WDPCP: variants seen among roughly 807,000 people sequenced by gnomAD.
WDPCP encodes the protein WD repeat containing planar cell polarity effector.
A neutral mutation model predicts 93.1 loss-of-function variants in WDPCP; 71 were observed. That is an observed-to-expected ratio of 0.76 (90% confidence interval 0.63 to 0.93). WDPCP has a LOEUF of 0.93. Ranked by LOEUF, WDPCP falls within the 40% of genes least tolerant of loss-of-function variation. The pLI, the probability that WDPCP is intolerant of heterozygous loss-of-function variation, is 0.00. For synonymous variants in WDPCP, 315 were observed against 315.0 expected (o/e 1.00, Z 0.00); for missense variants, 844 against 887.4 (o/e 0.95, Z 0.62).
At chr2:63,553,242 T>C (rs966922804) in intron 1 of WDPCP, among the ~76,000 whole-genome samples, 4 of 152,238 alleles carry the variant, frequency 2.6e-5, no homozygotes, top group African/African-American at 9.6e-5. Flanking sequence ...AACTGTTAAA[T>C]TCCATTTATG....
At chr2:63,778,627 T>C (rs1305939479) in intron 2 of WDPCP, among the ~76,000 whole-genome samples, 3 of 152,354 alleles carry the variant, frequency 2.0e-5, no homozygotes, top group Non-Finnish European at 4.4e-5. Flanking sequence ...GTTCCTGTTA[T>C]GGTTTGCATA....
At chr2:63,491,743 C>A (rs770357053) in intron 2 of WDPCP, among the ~76,000 whole-genome samples, 1 of 152,172 alleles carries the variant, frequency 6.6e-6, no homozygotes, top group Non-Finnish European at 1.5e-5. Context: ...TTTCATGTCC[C>A]TTTACTGTCA....
intron 1 of WDPCP, among the ~76,000 whole-genome samples, chr2:63,547,695 A>G (rs1705254291): frequency 6.6e-6 from 1 of 151,798 alleles, no homozygotes; most frequent in South Asian, 2.1e-4. Flanking sequence ...TAAGCCAAGC[A>G]GAGAAAGACA....
chr2:63,616,890 G>C (rs1010609717), intron 3 of WDPCP, among the ~76,000 whole-genome samples: 2 of 152,114 alleles, frequency 1.3e-5, no homozygotes, highest in Non-Finnish European at 2.9e-5. Flanking sequence ...TAATGACAAG[G>C]ATATTTACGG....
intron 14 of WDPCP, among the ~76,000 whole-genome samples, chr2:63,218,625 G>A (rs1218139163): frequency 1.3e-5 from 2 of 152,132 alleles, no homozygotes; most frequent in East Asian, 1.9e-4. Context: ...CGCCTCCCGG[G>A]TTCAAGCGAT....
intron 2 of WDPCP, among the ~76,000 whole-genome samples, chr2:63,702,804 T>C (rs186654607): frequency 1.2e-4 from 19 of 152,074 alleles, no homozygotes; most frequent in Non-Finnish European, 5.9e-5. Context: ...ATGTGACATG[T>C]TGGTGTGCTG....
chr2:63,746,371 G>A (rs1341800909), intron 2 of WDPCP, among the ~76,000 whole-genome samples: 2 of 152,126 alleles, frequency 1.3e-5, no homozygotes, highest in Non-Finnish European at 2.9e-5. Flanking sequence ...ATTGTTTGTA[G>A]ACCATGTGTT....
chr2:63,273,302 G>A (rs1057216911), intron 13 of WDPCP, among the ~76,000 whole-genome samples: 1 of 151,970 alleles, frequency 6.6e-6, no homozygotes, highest in African/African-American at 2.4e-5. Context: ...AACACATAAA[G>A]TATAAAACTC....
At chr2:63,148,427 C>A (rs1156784038) in intron 17 of WDPCP, among the ~76,000 whole-genome samples, 1 of 152,210 alleles carries the variant, frequency 6.6e-6, no homozygotes, top group Non-Finnish European at 1.5e-5. Flanking sequence ...GCAACCTCTG[C>A]CTCCTGGGTT....
At chr2:63,246,937 A>G (rs559706126) in intron 14 of WDPCP, among the ~76,000 whole-genome samples, 54 of 152,322 alleles carry the variant, frequency 3.5e-4, no homozygotes, top group African/African-American at 1.3e-3. Context: ...TGAAACTGTT[A>G]ACACTGCAGA....
chr2:63,245,614 A>G (rs1449747075), intron 14 of WDPCP, among the ~76,000 whole-genome samples: 1 of 152,206 alleles, frequency 6.6e-6, no homozygotes, highest in African/African-American at 2.4e-5. Flanking sequence ...TGTATTGAGT[A>G]GATCCATCAG....
chr2:63,508,853 T>C (rs1702049510), intron 1 of WDPCP, among the ~76,000 whole-genome samples: 1 of 152,156 alleles, frequency 6.6e-6, no homozygotes, highest in Admixed American at 6.5e-5. Flanking sequence ...TACATAATGG[T>C]AAAGGGTTGA....
chr2:63,682,910 C>T (rs1039270446), intron 2 of WDPCP, among the ~76,000 whole-genome samples: 1 of 151,844 alleles, frequency 6.6e-6, no homozygotes, highest in Non-Finnish European at 1.5e-5. Flanking sequence ...AGATGCTGCA[C>T]TAAGATATAA....
chr2:63,806,277 C>T (rs937058561), intron 2 of WDPCP, among the ~76,000 whole-genome samples: 9 of 152,198 alleles, frequency 5.9e-5, no homozygotes, highest in South Asian at 2.1e-4. Flanking sequence ...CCGGGGGGGA[C>T]ATCACATGTC....
chr2:63,808,813 A>G (rs1366930619), intron 2 of WDPCP, among the ~76,000 whole-genome samples: 2 of 147,740 alleles, frequency 1.4e-5, no homozygotes, highest in East Asian at 4.2e-4. Context: ...ATCGTCTGGG[A>G]CATGAGGAGC....
chr2:63,150,886 A>G (rs896221048), intron 17 of WDPCP, among the ~76,000 whole-genome samples: 1 of 152,230 alleles, frequency 6.6e-6, no homozygotes, highest in African/African-American at 2.4e-5. Context: ...GAAATTTCAC[A>G]AGAAGACTTT....
chr2:63,421,613 C>A (rs1182498758), intron 9 of WDPCP, among the ~76,000 whole-genome samples: 1 of 152,162 alleles, frequency 6.6e-6, no homozygotes, highest in Non-Finnish European at 1.5e-5. Context: ...TTGGTTCAAA[C>A]TAAAGGTGTT....
chr2:63,265,234 A>G (rs1434072244), intron 13 of WDPCP, among the ~76,000 whole-genome samples: 8 of 152,128 alleles, frequency 5.3e-5, no homozygotes, highest in Non-Finnish European at 2.9e-5. Context: ...GATCAAGAAA[A>G]CTAAAAGTTG....
intron 14 of WDPCP, among the ~76,000 whole-genome samples, chr2:63,255,081 C>G (rs1681027244): frequency 6.6e-6 from 1 of 152,042 alleles, no homozygotes; most frequent in Non-Finnish European, 1.5e-5. Context: ...AATTCAATAC[C>G]TATTCATGAT....
Sources: allele counts gnomAD v4.1 joint callset (sites outside exome capture counted in the v4.1 genomes callset), GRCh38; gene constraint gnomAD v4.1.1; transcripts MANE v1.5; gene names NCBI Gene and HGNC (gene_info 2026-07-23, HGNC 2026-07-21).